The following MSL3 variants were observed in gnomAD, a reference collection of about 807,000 sequenced individuals.
The protein encoded by MSL3 is MSL3-like 1.
MSL3 carries 5 observed loss-of-function variants against 37.2 expected under a neutral mutation model. The observed-to-expected ratio is 0.13, with a 90% CI of 0.07 to 0.28. MSL3 has a LOEUF of 0.28. Ranked by LOEUF, MSL3 falls within the 10% of genes least tolerant of loss-of-function variation. The probability of loss-of-function intolerance (pLI) is 1.00; values close to 1 mark genes in which losing one functional copy is unlikely to be tolerated. For missense variants in MSL3, 315 were observed against 408.5 expected, an observed-to-expected ratio of 0.77 and a Z score of 1.97; for synonymous variants, 149 against 147.6, an observed-to-expected ratio of 1.01 and a Z score of -0.07.
chrX:11,758,451 C>A, intron 1 of MSL3, 86 bp downstream of exon 1: 1 of 939,782 alleles, frequency 1.1e-6, no homozygotes, highest in Non-Finnish European at 1.4e-6. Flanking sequence ...CCGCGCGGAG[C>A]TGAGGGACCG....
chrX:11,762,722 T>C lies in MSL3; in HGVS notation c.589-115T>C, dbSNP rs889883715. ...TTAAGAAGTTCTATTCAAACAGAATTGGCTTTGGTTTATTTTTGAGTTAAA... is the reference window on the plus strand; with the variant it reads ...TTAAGAAGTTCTATTCAAACAGAATCGGCTTTGGTTTATTTTTGAGTTAAA... On this transcript the variant is annotated intron_variant, in intron 6 of 12. Coordinates refer to ENST00000312196, the MANE Select transcript of MSL3 (RefSeq NM_078629.4). 13 of 670,700 alleles carry C rather than the reference T, an allele frequency of 1.9e-5. No homozygotes were observed. The African/African-American group carries it at 2.7e-4, about 14-fold the overall frequency. The allele number at this position is 670,700 out of a possible 1,213,427, so 55.3% of individuals were successfully genotyped here. A position where few individuals can be genotyped will look rare whatever the true frequency, so the allele number is the denominator to read the frequency against.
At chrX:11,767,290 CT>C (rs1228032716) in intron 9 of MSL3, 1 of 749,598 alleles carries the variant, frequency 1.3e-6, no homozygotes, top group Middle Eastern at 7.6e-4. Flanking sequence ...AAATCAGGTG[CT>C]TTTTTAAAAC....
intron 9 of MSL3, chrX:11,768,364 T>C (rs761479797): frequency 2.9e-6 from 1 of 347,614 alleles, no homozygotes; most frequent in Non-Finnish European, 5.0e-6. Flanking sequence ...TCTTTTAAGG[T>C]TCATCCACAT....
At chrX:11,768,790 T>C in intron 10 of MSL3, 108 bp downstream of exon 10, 1 of 518,116 alleles carries the variant, frequency 1.9e-6, no homozygotes, top group Non-Finnish European at 3.3e-6. Context: ...GCTATTACTG[T>C]AAACATTATC....
At chrX:11,761,087 A>G (rs2053128139) in intron 4 of MSL3, 150 bp downstream of exon 4, 1 of 450,158 alleles carries the variant, frequency 2.2e-6, no homozygotes, top group African/African-American at 2.5e-5. Context: ...GTAGCAGTCA[A>G]TATAAGTCAG....
chrX:11,761,333 A>G (rs2053130504), intron 4 of MSL3, among the ~76,000 whole-genome samples, 167 bp from the exon 5 acceptor site: 1 of 113,064 alleles, frequency 8.8e-6, no homozygotes. Context: ...GGTTGTCAAA[A>G]TAAATTTCTA....
intron 11 of MSL3, 149 bp downstream of exon 11, chrX:11,772,404 C>T: frequency 2.0e-6 from 1 of 496,064 alleles, no homozygotes; most frequent in Non-Finnish European, 3.3e-6. Flanking sequence ...AAAGAAAAGG[C>T]ATTGAATGAA....
At position 11,765,337 on chromosome X, in the gene MSL3, G is replaced by A. The variant is rs865938553; in HGVS notation, c.909-130G>A. 2.4e-5 allele frequency: 18 copies of A among 760,928 alleles called. No homozygotes were observed. In the Middle Eastern group the frequency reaches 1.4e-3, roughly 61 times the overall value. 62.7% of individuals were successfully genotyped at this position (760,928 alleles called of 1,213,427 possible). A position where few individuals can be genotyped will look rare whatever the true frequency, so the allele number is the denominator to read the frequency against. The stretch of plus-strand genomic sequence containing the variant: ...CCAGCGTGCCTTGCAGAGTTATGGA[G>A]AGGGTCCAAGTGACTTCGGTACATA... On this transcript the variant is annotated intron_variant, in intron 8 of 12. Coordinates refer to ENST00000312196, the MANE Select transcript of MSL3 (RefSeq NM_078629.4).
chrX:11,772,754 C>T, intron 12 of MSL3, 49 bp downstream of exon 12: 1 of 735,834 alleles, frequency 1.4e-6, no homozygotes, highest in Non-Finnish European at 2.0e-6. Context: ...ATATATGTGG[C>T]TTTTCTGAAC....
At position 11,768,595 on chromosome X, in the gene MSL3, A is replaced by C. The variant is rs781075003; in HGVS notation, c.1194A>C (p.Ser398=). 35 of 1,202,669 alleles carry C rather than the reference A, an allele frequency of 2.9e-5. No homozygotes were observed. The highest frequency in any genetic ancestry group is 2.3e-4 in the Middle Eastern group (1 of 4,358). The change falls in exon 10 of 13, where the codon TCA becomes TCC. Residue 398 remains serine, a synonymous_variant. Transcript: ENST00000312196. The part of the protein sequence containing the change: ...LEKKTPVHSR[S]SSPIPLTPSK... ...AAGAGACACCTGTGCATAGCAGATC[A>C]TCTTCACCTATTCCTCTGACTCCTA... is the stretch of plus-strand genomic sequence containing the variant.
chrX:11,774,679 C>CT (rs1334167036), intron 12 of MSL3, among the ~76,000 whole-genome samples: 95 of 107,207 alleles, frequency 8.9e-4, no homozygotes, highest in African/African-American at 2.6e-3. Flanking sequence ...CATTCATGGG[C>CT]TTTTTTTTTT....
At chrX:11,761,683 A>G (rs2053134054) in intron 5 of MSL3, 101 bp downstream of exon 5, 5 of 461,757 alleles carry the variant, frequency 1.1e-5, no homozygotes, top group South Asian at 5.0e-5. Flanking sequence ...CTAAAGATAC[A>G]TCTTTTAAAC....
intron 7 of MSL3, among the ~76,000 whole-genome samples, chrX:11,763,463 G>A (rs1471348937): frequency 4.4e-5 from 5 of 112,789 alleles, no homozygotes; most frequent in African/African-American, 1.3e-4. Context: ...GGGTCAACCC[G>A]TTTCAGCTTG....
intron 9 of MSL3, 102 bp downstream of exon 9, chrX:11,765,831 G>A (rs1423617860): frequency 1.8e-6 from 2 of 1,131,086 alleles, no homozygotes; most frequent in East Asian, 3.0e-5. Flanking sequence ...TGTGTGTACA[G>A]TGCGTGTGAT....
At chrX:11,767,184 T>A in intron 9 of MSL3, 7 of 754,118 alleles carry the variant, frequency 9.3e-6, no homozygotes, top group South Asian at 1.3e-4. Context: ...GTGAAAGTAT[T>A]TGCTGATTCT....
chrX:11,758,370 C>T lies in MSL3; in HGVS notation c.102+5C>T. 9.1e-7 allele frequency: 1 copy of T among 1,100,385 alleles called. No individual in the cohort carries two copies. Among genetic ancestry groups the T allele is most frequent in the Non-Finnish European group, 1.2e-6 (1 of 835,629 alleles). 90.7% of individuals were successfully genotyped at this position (1,100,385 alleles called of 1,213,427 possible). On this transcript the variant is annotated splice_donor_5th_base_variant and intron_variant, in intron 1 of 12. Transcript: ENST00000312196. Reference sequence around the variant, plus strand: ...CGAGTGCTGTACGATGCCAAGGTGCCGCCGCGGAGGGACAGGGAGGAGGCG... The same window carrying T: ...CGAGTGCTGTACGATGCCAAGGTGCTGCCGCGGAGGGACAGGGAGGAGGCG...
intron 6 of MSL3, among the ~76,000 whole-genome samples, chrX:11,762,552 T>C (rs2053142375): frequency 8.9e-6 from 1 of 112,202 alleles, no homozygotes; most frequent in Non-Finnish European, 1.9e-5. Context: ...CAACTGCAGG[T>C]ATACTTGAAG....
At chrX:11,770,989 G>A (rs1357606807) in intron 10 of MSL3, among the ~76,000 whole-genome samples, 2 of 112,443 alleles carry the variant, frequency 1.8e-5, no homozygotes, top group African/African-American at 3.2e-5. Context: ...GCTCCACAGT[G>A]CAGAAGTGGG....
intron 12 of MSL3, 107 bp from the exon 13 acceptor site, chrX:11,774,873 C>T: frequency 5.5e-6 from 3 of 550,174 alleles, no homozygotes; most frequent in Non-Finnish European, 3.1e-6. Context: ...TTTTTTCTTC[C>T]TAATACCAAA....
Sources: allele counts gnomAD v4.1 joint callset (sites outside exome capture counted in the v4.1 genomes callset), GRCh38; gene constraint gnomAD v4.1.1; transcripts MANE v1.5; gene names NCBI Gene and HGNC (gene_info 2026-07-23, HGNC 2026-07-21).